GALNT15: variants seen among roughly 807,000 people sequenced by gnomAD.
GALNT15 encodes UDP-GalNAc transferase T15.
GALNT15 carries 67 observed loss-of-function variants against 66.8 expected under a neutral mutation model. The ratio of observed to expected loss-of-function variants is 1.00; its 90% CI spans 0.82 to 1.23. The LOEUF is 1.23. Among genes scored for constraint, GALNT15 ranks in the 50% most tolerant of loss-of-function variants. GALNT15 has a pLI of 0.00. For synonymous variants in GALNT15, 313 were observed against 311.5 expected (o/e 1.00, Z -0.05); for missense variants, 827 against 804.3 (o/e 1.03, Z -0.34).
intron 1 of GALNT15, among the ~76,000 whole-genome samples, chr3:16,192,479 T>C (rs1006048987): frequency 6.6e-6 from 1 of 152,036 alleles, no homozygotes; most frequent in Non-Finnish European, 1.5e-5. Context: ...GTTTTTTTTT[T>C]CATACCCACT....
At position 16,185,748 on chromosome 3, in the gene GALNT15, C is replaced by T. The variant is rs73818311; in HGVS notation, c.540-10012C>T. On this transcript the variant is annotated intron_variant, in intron 1 of 9. Transcript: ENST00000339732. ...GTAGTCCAAGATGGTGATAGACAGACAGATAGATAGATAGATAGATAGATA... is the reference window on the plus strand; with the variant it reads ...GTAGTCCAAGATGGTGATAGACAGATAGATAGATAGATAGATAGATAGATA... Among the ~76,000 whole-genome samples, 311 of 148,308 alleles carry T rather than the reference C, an allele frequency of 2.1e-3. 3 individuals are homozygous for T. The highest frequency in any genetic ancestry group is 6.5e-3 in the African/African-American group (255 of 39,168).
In GALNT15 at chr3:16,227,634, A is replaced by G. The variant is rs763101842; in HGVS notation, c.*134A>G. The G allele has an allele frequency of 5.3e-6, 8 of 1,510,018 alleles. No homozygotes were observed. The highest frequency in any genetic ancestry group is 6.1e-6 in the Non-Finnish European group (7 of 1,139,764). 93.5% of individuals were successfully genotyped at this position (1,510,018 alleles called of 1,614,324 possible). ...TGGTGTTAGGAGAGAAAAAAGCTCT[A>G]TGAAAGAATATAGGAAGTTTCTCCT... On this transcript the variant is annotated 3_prime_UTR_variant, in exon 10 of 10. Transcript: ENST00000339732. The surrounding 1 kb of genome is among the most constrained non-coding windows in gnomAD (Gnocchi z 4.5).
chr3:16,231,752 T>C (rs1575004589), downstream of GALNT15: 2 of 1,429,124 alleles, frequency 1.4e-6, no homozygotes, highest in Non-Finnish European at 1.9e-6. This position sits in a 1 kb window ranked among gnomAD's most constrained non-coding sequence, Gnocchi z 4.1. Context: ...AATGATACAG[T>C]CCTTCCTCTC....
chr3:16,245,475 G>A, the GALNT15 span, among the ~76,000 whole-genome samples: 1 of 152,254 alleles, frequency 6.6e-6, no homozygotes, highest in Non-Finnish European at 1.5e-5. Context: ...TGGGAATCCT[G>A]CCACAGGGCC....
At chr3:16,213,287 CTACTAAAAA>C (rs376948458) in intron 6 of GALNT15, among the ~76,000 whole-genome samples, 12,605 of 151,102 alleles carry the variant, frequency 0.083, 661 homozygotes, top group South Asian at 0.2. Context: ...AACCCCGTCT[CTACTAAAAA>C]TACAAAAAAT....
chr3:16,206,290 G>A (rs2063756134), intron 3 of GALNT15, among the ~76,000 whole-genome samples: 1 of 151,916 alleles, frequency 6.6e-6, no homozygotes, highest in Non-Finnish European at 1.5e-5. Flanking sequence ...AGCTGAGGCT[G>A]AAGAATCCTT....
the GALNT15 span, among the ~76,000 whole-genome samples, chr3:16,245,162 A>G: frequency 2.0e-5 from 3 of 152,290 alleles, no homozygotes; most frequent in East Asian, 3.9e-4. Context: ...CGCATCCTGT[A>G]TATTTTTTAA....
At chr3:16,238,312 A>G in the GALNT15 span, among the ~76,000 whole-genome samples, 5 of 107,388 alleles carry the variant, frequency 4.7e-5, no homozygotes, top group South Asian at 1.5e-3. The surrounding 1 kb of genome is among the most constrained non-coding windows in gnomAD (Gnocchi z 4.8). Flanking sequence ...ATTCACTGCC[A>G]GAAATCATAG....
intron 6 of GALNT15, among the ~76,000 whole-genome samples, chr3:16,217,294 T>C (rs548160693): frequency 2.2e-4 from 33 of 152,320 alleles, no homozygotes; most frequent in Admixed American, 1.4e-3. Context: ...ATGTCCACTT[T>C]GTTCATTTGA....
At chr3:16,192,285 G>GAGCC (rs2063587540) in intron 1 of GALNT15, among the ~76,000 whole-genome samples, 3 of 152,120 alleles carry the variant, frequency 2.0e-5, no homozygotes, top group Non-Finnish European at 4.4e-5. Flanking sequence ...ACAGAGAAAG[G>GAGCC]AGCCAGGCAT....
In GALNT15 at chr3:16,200,583, T is replaced by C; in HGVS notation, c.707-36T>C. The C allele has an allele frequency of 1.4e-6, 2 of 1,443,182 alleles. No homozygotes were observed. The highest frequency in any genetic ancestry group is 2.5e-5 in the Admixed American group (1 of 40,026). 89.4% of individuals were successfully genotyped at this position (1,443,182 alleles called of 1,614,324 possible). A position where few individuals can be genotyped will look rare whatever the true frequency, so the allele number is the denominator to read the frequency against. On this transcript the variant is annotated intron_variant, in intron 2 of 9. Coordinates refer to ENST00000339732, the MANE Select transcript of GALNT15 (RefSeq NM_054110.5). The surrounding 1 kb of genome is among the most constrained non-coding windows in gnomAD (Gnocchi z 4.4). ...GTCACAATCTCATCGGTTGTGGCAT[T>C]TGTCATTCCACTGACCACAACCCTG... is the stretch of plus-strand genomic sequence containing the variant.
rs200728215 is a variant in GALNT15 at position 16,225,435 on chromosome 3, G to T, written c.1774-1919G>T. 6.6e-6 allele frequency among the ~76,000 whole-genome samples: 1 copy of T among 152,220 alleles called. No homozygotes were observed. ...AAAGAGGCCAGGCTCAATGGCTCACGCCTGTAATCCCAGCACTTCGGGAGG... is the reference window on the plus strand; with the variant it reads ...AAAGAGGCCAGGCTCAATGGCTCACTCCTGTAATCCCAGCACTTCGGGAGG... On this transcript the variant is annotated intron_variant, in intron 9 of 9. Coordinates refer to ENST00000339732, the MANE Select transcript of GALNT15 (RefSeq NM_054110.5). This position sits in a 1 kb window ranked among gnomAD's most constrained non-coding sequence, Gnocchi z 4.4.
downstream of GALNT15, among the ~76,000 whole-genome samples, chr3:16,232,505 TA>T (rs1559698422): frequency 5.9e-3 from 508 of 85,848 alleles, 25 homozygotes; most frequent in African/African-American, 0.025. Context: ...TATATATATA[TA>T]TATATTTATT....
At position 16,200,717 on chromosome 3, in the gene GALNT15, C is replaced by G. The variant is rs1455274118; in HGVS notation, c.805C>G (p.Leu269Val). 3 of 1,611,622 alleles carry G rather than the reference C, an allele frequency of 1.9e-6. No homozygotes were observed. Among genetic ancestry groups the G allele is most frequent in the African/African-American group, 2.7e-5 (2 of 74,800 alleles). Reference protein sequence around the residue: ...KRLGAIRARMLGATRATGDVL... With the variant: ...KRLGAIRARMVGATRATGDVL... Reference sequence around the variant, plus strand: ...GCTGGGTGCCATCAGGGCCCGGATGCTGGGGGCCACCAGAGCCACCGGGGA... The same window carrying G: ...GCTGGGTGCCATCAGGGCCCGGATGGTGGGGGCCACCAGAGCCACCGGGGA... Residue 269 changes from leucine to valine, a missense_variant, in exon 3 of 10, where the codon CTG becomes GTG. By Grantham distance (32) the Leu-to-Val change is conservative. Transcript: ENST00000339732. This position sits in a 1 kb window ranked among gnomAD's most constrained non-coding sequence, Gnocchi z 4.4.
intron 1 of GALNT15, among the ~76,000 whole-genome samples, chr3:16,178,292 G>A (rs371590527): frequency 6.6e-6 from 1 of 152,154 alleles, no homozygotes. Context: ...GCACGTGTGC[G>A]TTTATGTGTG....
In GALNT15 at chr3:16,222,631, G is replaced by C. The variant is rs375321333; in HGVS notation, c.1646G>C (p.Ser549Thr). Residue 549 changes from serine to threonine, a missense_variant, in exon 9 of 10, where the codon AGC becomes ACC. Physicochemically the swap from Ser to Thr is moderately conservative, Grantham distance 58. Transcript: ENST00000339732. ...CTGTCACAGTACCTGCAGCACACCA[G>C]CAGGAAGGAGATTCACTTTGGCAGC... ...SRQQQYLQHT[S>T]RKEIHFGSPQ... The C allele has an allele frequency of 1.8e-5, 29 of 1,614,220 alleles. No homozygotes were observed. The East Asian group carries it at 3.6e-4, about 20-fold the overall frequency.
In GALNT15 at chr3:16,229,281, T is replaced by G; in HGVS notation, c.*1781T>G. On this transcript the variant is annotated 3_prime_UTR_variant, in exon 10 of 10. Coordinates refer to ENST00000339732, the MANE Select transcript of GALNT15 (RefSeq NM_054110.5). Reference sequence around the variant, plus strand: ...TACACTCTGGACCTGTGCTGTCTAATATGGTAGCCACTAACAAAATGTGGC... The same window carrying G: ...TACACTCTGGACCTGTGCTGTCTAAGATGGTAGCCACTAACAAAATGTGGC... 1.0e-6 allele frequency: 1 copy of G among 980,536 alleles called. No homozygotes were observed. The highest frequency in any genetic ancestry group is 1.2e-6 in the Non-Finnish European group (1 of 825,466). 60.7% of individuals were successfully genotyped at this position (980,536 alleles called of 1,614,324 possible).
chr3:16,225,729 A>G lies in GALNT15; in HGVS notation c.1774-1625A>G, dbSNP rs1297993208. Among the ~76,000 whole-genome samples, 1 of 151,776 alleles carries G rather than the reference A, an allele frequency of 6.6e-6. No individual in the cohort carries two copies. Among genetic ancestry groups the G allele is most frequent in the African/African-American group, 2.4e-5 (1 of 41,310 alleles). On this transcript the variant is annotated intron_variant, in intron 9 of 9. Transcript: ENST00000339732. This position sits in a 1 kb window ranked among gnomAD's most constrained non-coding sequence, Gnocchi z 4.4. ...ATAAATAAAAGAAAAAGAAAAAAAG[A>G]AGAAAAAGATTTGTGGTACAACATG...
intron 2 of GALNT15, among the ~76,000 whole-genome samples, chr3:16,198,116 AT>A (rs1421980317): frequency 7.0e-6 from 1 of 142,114 alleles, no homozygotes; most frequent in African/African-American, 2.6e-5. Flanking sequence ...ATAGAGATTT[AT>A]TTTTCCTTAT....
Sources: allele counts gnomAD v4.1 joint callset (sites outside exome capture counted in the v4.1 genomes callset), GRCh38; gene constraint gnomAD v4.1.1; non-coding constraint Gnocchi (gnomAD v3.1); transcripts MANE v1.5; gene names NCBI Gene and HGNC (gene_info 2026-07-23, HGNC 2026-07-21).